IRF8: variants seen among roughly 807,000 people sequenced by gnomAD.
IRF8 encodes interferon consensus sequence binding protein 1.
A neutral mutation model predicts 48.7 loss-of-function variants in IRF8; 14 were observed. The ratio of observed to expected loss-of-function variants is 0.29; its 90% CI spans 0.19 to 0.45. IRF8 has a LOEUF of 0.45. Among genes scored for constraint, IRF8 ranks in the 20% least tolerant of loss-of-function variants. The pLI, the probability that IRF8 is intolerant of heterozygous loss-of-function variation, is 1.00. For synonymous variants in IRF8, 278 were observed against 227.3 expected, an observed-to-expected ratio of 1.22 and a Z score of -2.01; for missense variants, 493 against 580.7, an observed-to-expected ratio of 0.85 and a Z score of 1.55.
rs546033745 is a variant in IRF8 at position 85,903,323 on chromosome 16, A to G, written c.174+134A>G. On this transcript the variant is annotated intron_variant, in intron 2 of 8. Coordinates refer to ENST00000268638, the MANE Select transcript of IRF8 (RefSeq NM_002163.4). ...GTTTTTTAAAAGCAAACATTGGTTC[A>G]GGAGTGCTGAATGTGTCTCAGACAT... The G allele has an allele frequency of 1.7e-5, 14 of 834,572 alleles. No individual in the cohort carries two copies. The South Asian group carries it at 2.0e-4, about 12-fold the overall frequency. 51.7% of individuals were successfully genotyped at this position (834,572 alleles called of 1,614,324 possible).
In IRF8 at chr16:85,918,545, C is replaced by T. The variant is rs745602508; in HGVS notation, c.730C>T (p.Pro244Ser). ...GCTGCCCGGCACCAAGCTGTATGGG[C>T]CCGAGGGCCTGGAGCTGGTGCGCTT... ...PGLPGTKLYG[P>S]EGLELVRFPP... The change falls in exon 7 of 9, where the codon CCC (proline) becomes TCC (serine). Residue 244 changes from proline to serine, a missense_variant. Pro to Ser is a moderately conservative substitution (Grantham distance 74). This residue lies in a region of IRF8 where 408 missense variants were observed against 449.6 expected (regional missense o/e 0.91). Coordinates refer to ENST00000268638, the MANE Select transcript of IRF8 (RefSeq NM_002163.4). The T allele has an allele frequency of 8.7e-6, 14 of 1,602,726 alleles. No homozygotes were observed. Among genetic ancestry groups the T allele is most frequent in the Non-Finnish European group, 1.1e-5 (13 of 1,179,000 alleles).
At chr16:85,900,415 A>T (rs1904793164) in intron 1 of IRF8, among the ~76,000 whole-genome samples, 1 of 152,218 alleles carries the variant, frequency 6.6e-6, no homozygotes, top group Admixed American at 6.5e-5. Context: ...CTGGCTGGGC[A>T]TTTGGTGGAA....
At chr16:85,911,177 C>T (rs538463953) in intron 3 of IRF8, among the ~76,000 whole-genome samples, 1 of 152,236 alleles carries the variant, frequency 6.6e-6, no homozygotes, top group African/African-American at 2.4e-5. Context: ...CCTGCCAACA[C>T]GTTTTGCCAG....
chr16:85,911,404 A>G (rs1407824988), intron 3 of IRF8, among the ~76,000 whole-genome samples, 166 bp from the exon 4 acceptor site: 3 of 152,224 alleles, frequency 2.0e-5, no homozygotes, highest in Non-Finnish European at 4.4e-5. Flanking sequence ...TGCTGATCAG[A>G]TGACTGAAGC....
Position 85,921,279 on chromosome 16 carries a change from C to T in IRF8, c.1278C>T (p.Val426=), listed in dbSNP as rs146135491. The T allele has an allele frequency of 5.1e-5, 82 of 1,613,762 alleles. No individual in the cohort carries two copies. The African/African-American group carries it at 9.7e-4, about 19-fold the overall frequency. The change falls in exon 9 of 9, where the codon GTC becomes GTT. Residue 426 remains valine, a synonymous_variant. Transcript: ENST00000268638. ...SFFRENQQIT[V] is the part of the protein sequence containing the mutation. ...TCAGAGAAAACCAACAGATCACCGT[C>T]TAAGTGCGTCGCTTGGGCGCCCCAC... is the stretch of plus-strand genomic sequence containing the variant.
intron 6 of IRF8, among the ~76,000 whole-genome samples, chr16:85,914,875 C>T (rs1905253846): frequency 6.6e-6 from 1 of 151,330 alleles, no homozygotes. Flanking sequence ...ACCATTTGGT[C>T]AGGAGCTGGC....
At chr16:85,914,002 C>T (rs773881964) in intron 5 of IRF8, 31 of 202,116 alleles carry the variant, frequency 1.5e-4, no homozygotes, top group Non-Finnish European at 3.0e-4. Flanking sequence ...GGCAGCTGGC[C>T]CCGGAGGCCT....
chr16:85,919,403 GC>G (rs1414592206), intron 7 of IRF8, among the ~76,000 whole-genome samples: 2 of 152,152 alleles, frequency 1.3e-5, no homozygotes, highest in African/African-American at 2.4e-5. Context: ...TCTCCCTGTA[GC>G]AGCACAGCCC....
intron 2 of IRF8, among the ~76,000 whole-genome samples, chr16:85,903,732 G>A (rs1038572227): frequency 8.9e-4 from 135 of 152,300 alleles, no homozygotes; most frequent in African/African-American, 2.9e-3. Context: ...TTCCCCATGC[G>A]TGGAGAGACG....
At chr16:85,899,781 T>C (rs1904768151) in intron 1 of IRF8, among the ~76,000 whole-genome samples, 1 of 152,204 alleles carries the variant, frequency 6.6e-6, no homozygotes, top group South Asian at 2.1e-4. Context: ...AGAGTCTGTA[T>C]ATGGGCCACA....
chr16:85,916,074 T>C (rs547787269), intron 6 of IRF8, among the ~76,000 whole-genome samples: 9 of 152,264 alleles, frequency 5.9e-5, no homozygotes, highest in African/African-American at 1.9e-4. Flanking sequence ...TAGTCTGTGG[T>C]TTATAACTTC....
intron 4 of IRF8, among the ~76,000 whole-genome samples, chr16:85,912,794 G>A (rs768439166): frequency 1.3e-5 from 2 of 152,344 alleles, no homozygotes; most frequent in Admixed American, 6.5e-5. Context: ...CTGTTCACTG[G>A]TGTCTCAGAG....
chr16:85,915,594 G>C (rs890525093), intron 6 of IRF8, among the ~76,000 whole-genome samples: 6 of 152,254 alleles, frequency 3.9e-5, no homozygotes, highest in African/African-American at 1.2e-4. Flanking sequence ...ATCTCATCCA[G>C]GTCGCGCAGG....
At chr16:85,911,178 G>A (rs551750663) in intron 3 of IRF8, among the ~76,000 whole-genome samples, 11 of 152,336 alleles carry the variant, frequency 7.2e-5, no homozygotes, top group African/African-American at 2.4e-4. Context: ...CTGCCAACAC[G>A]TTTTGCCAGG....
chr16:85,909,860 T>C (rs305077), intron 3 of IRF8: 62,244 of 152,462 alleles, frequency 0.41, 13,795 homozygotes, highest in African/African-American at 0.59. Context: ...AGCTGATTTA[T>C]GAGATAAAAC....
At chr16:85,907,683 AT>A (rs1275309760) in intron 2 of IRF8, among the ~76,000 whole-genome samples, 3 of 152,206 alleles carry the variant, frequency 2.0e-5, no homozygotes, top group Non-Finnish European at 4.4e-5. Context: ...TCTCAAAAAA[AT>A]AAAAAAACTA....
intron 2 of IRF8, among the ~76,000 whole-genome samples, chr16:85,905,289 C>G (rs1183616376): frequency 6.6e-6 from 1 of 152,172 alleles, no homozygotes; most frequent in East Asian, 1.9e-4. Flanking sequence ...GGCTGTGTAG[C>G]CCTGACATGT....
At chr16:85,913,086 G>T in intron 4 of IRF8, 45 bp from the exon 5 acceptor site, 1 of 1,345,206 alleles carries the variant, frequency 7.4e-7, no homozygotes, top group Non-Finnish European at 1.1e-6. Context: ...CCAGGTGGGA[G>T]ATCAGTGACT....
intron 1 of IRF8, chr16:85,902,745 C>A (rs1026949237): frequency 4.0e-6 from 2 of 503,030 alleles, no homozygotes; most frequent in East Asian, 3.8e-5. Flanking sequence ...CTGGAAGGAG[C>A]ACAGCCAGCA....
Sources: gnomAD v4.1 joint callset for allele counts (sites outside exome capture counted in the v4.1 genomes callset) on GRCh38, gnomAD v4.1.1 for gene constraint, gnomAD v4.1.1 regional missense constraint, MANE v1.5 for transcripts, NCBI Gene and HGNC (gene_info 2026-07-23, HGNC 2026-07-21) for gene names.